XIRP2: variants seen among roughly 807,000 people sequenced by gnomAD.
The protein encoded by XIRP2 is xin actin-binding repeat-containing protein 2.
XIRP2 carries 236 observed loss-of-function variants against 277.0 expected under a neutral mutation model. The observed-to-expected ratio is 0.85, with a 90% confidence interval of 0.77 to 0.95. The LOEUF (loss-of-function observed/expected upper bound fraction) is 0.95. Ranked by LOEUF, XIRP2 falls within the 40% of genes least tolerant of loss-of-function variation. XIRP2 has a pLI of 0.00. For missense variants in XIRP2, 4,640 were observed against 4,157.5 expected, an observed-to-expected ratio of 1.12 and a Z score of -3.19; for synonymous variants, 1,490 against 1,416.5, an observed-to-expected ratio of 1.05 and a Z score of -1.17.
At chr2:167,026,642 C>T (rs193275145) in intron 2 of XIRP2, among the ~76,000 whole-genome samples, 1 of 152,084 alleles carries the variant, frequency 6.6e-6, no homozygotes, top group Non-Finnish European at 1.5e-5. Flanking sequence ...TCTTTTAGGG[C>T]AGGCCTGGTG....
At chr2:167,223,820 A>G (rs1320544281) in intron 5 of XIRP2, among the ~76,000 whole-genome samples, 1 of 152,176 alleles carries the variant, frequency 6.6e-6, no homozygotes, top group Non-Finnish European at 1.5e-5. Flanking sequence ...AGTGATTCTT[A>G]TAACTTAAAG....
Position 167,249,719 on chromosome 2 carries a change from A to C in XIRP2, c.8327A>C (p.Lys2776Thr). 1.2e-6 allele frequency: 2 copies of C among 1,613,470 alleles called. No individual in the cohort carries two copies. The highest frequency in any genetic ancestry group is 1.7e-6 in the Non-Finnish European group (2 of 1,179,748). ...LAERHYQLPK[K>T]EKRVTVQLPT... is the part of the protein sequence containing the mutation. ...GAAAGACATTATCAGTTACCTAAGA[A>C]GGAGAAAAGAGTGACAGTACAATTG... The change falls in exon 9 of 11, where the codon AAG becomes ACG. Residue 2776 changes from lysine (K) to threonine (T), a missense_variant. Coordinates refer to ENST00000409195, the MANE Select transcript of XIRP2 (RefSeq NM_152381.6).
At position 167,244,384 on chromosome 2, in the gene XIRP2, TATC is replaced by T. The variant is rs1427287128; in HGVS notation, c.2997_2999del (p.His999del). On this transcript the variant is annotated inframe_deletion, in exon 9 of 11. Coordinates refer to ENST00000409195, the MANE Select transcript of XIRP2 (RefSeq NM_152381.6). ...TGCCATTCAAGATCCCCTTGGAAAA[TATC>T]ATCAAGTAAAGACAGTCCAGCAAGA... 3 of 1,613,224 alleles carry T rather than the reference TATC, an allele frequency of 1.9e-6. No individual in the cohort carries two copies. The highest frequency in any genetic ancestry group is 2.2e-5 in the East Asian group (1 of 44,838).
At chr2:167,195,824 T>C (rs1395950993) in intron 3 of XIRP2, among the ~76,000 whole-genome samples, 1 of 152,052 alleles carries the variant, frequency 6.6e-6, no homozygotes, top group African/African-American at 2.4e-5. Context: ...CAGAAACAAT[T>C]CAGATGTGTT....
At chr2:167,003,308 A>C (rs949896765) in intron 2 of XIRP2, among the ~76,000 whole-genome samples, 1 of 151,914 alleles carries the variant, frequency 6.6e-6, no homozygotes, top group African/African-American at 2.4e-5. Context: ...ATAAAAACCT[A>C]ATTAGAATAG....
chr2:167,201,244 AAGAAAGAAAGAAAG>A (rs1233735341), intron 3 of XIRP2, among the ~76,000 whole-genome samples: 1 of 90,796 alleles, frequency 1.1e-5, no homozygotes, highest in East Asian at 3.9e-4. Context: ...GAAAGAAAGA[AAGAAAGAAAGAAAG>A]AAAGAGAGAG....
intron 2 of XIRP2, among the ~76,000 whole-genome samples, chr2:167,008,269 C>T (rs1687560910): frequency 6.6e-6 from 1 of 151,522 alleles, no homozygotes; most frequent in Non-Finnish European, 1.5e-5. Flanking sequence ...TGTCATTCTT[C>T]TCTCTGTCTT....
intron 2 of XIRP2, among the ~76,000 whole-genome samples, chr2:167,084,336 G>A (rs1367221935): frequency 2.9e-4 from 44 of 152,096 alleles, no homozygotes; most frequent in African/African-American, 9.2e-4. Flanking sequence ...TGCTGGATTC[G>A]TTTTGCCAGT....
chr2:167,072,948 G>C (rs992475567), intron 2 of XIRP2, among the ~76,000 whole-genome samples: 12 of 152,002 alleles, frequency 7.9e-5, no homozygotes, highest in Admixed American at 4.6e-4. Flanking sequence ...GCATATTCCA[G>C]TTTATCCTAC....
At chr2:166,982,861 AT>A (rs1489671378) in intron 2 of XIRP2, among the ~76,000 whole-genome samples, 1 of 152,092 alleles carries the variant, frequency 6.6e-6, no homozygotes, top group Non-Finnish European at 1.5e-5. Context: ...AACATGGTAG[AT>A]TTTTCTATTA....
chr2:167,252,000 T>C lies in XIRP2; in HGVS notation c.10555+53T>C, dbSNP rs1478728658. ...AGATTAACCATTTAAAGGCATGTGT[T>C]CCATAGCCAAAATGATGTACAGTTA... On this transcript the variant is annotated intron_variant, in intron 9 of 10. Transcript: ENST00000409195. 5 of 1,509,894 alleles carry C rather than the reference T, an allele frequency of 3.3e-6. No individual in the cohort carries two copies. The East Asian group carries it at 1.1e-4, about 34-fold the overall frequency. The allele number at this position is 1,509,894 out of a possible 1,614,324, so 93.5% of individuals were successfully genotyped here.
intron 3 of XIRP2, among the ~76,000 whole-genome samples, chr2:167,202,173 G>A (rs1310280773): frequency 1.3e-5 from 2 of 152,214 alleles, no homozygotes; most frequent in East Asian, 3.9e-4. Context: ...CATTTGTAAT[G>A]ATTCTAATTT....
chr2:167,045,349 A>G (rs989754706), intron 2 of XIRP2, among the ~76,000 whole-genome samples: 1 of 152,112 alleles, frequency 6.6e-6, no homozygotes, highest in Non-Finnish European at 1.5e-5. Context: ...CTAAGCAAAC[A>G]TTTTATGACA....
intron 2 of XIRP2, among the ~76,000 whole-genome samples, chr2:167,018,373 A>G (rs974750189): frequency 2.6e-5 from 4 of 152,146 alleles, no homozygotes; most frequent in Middle Eastern, 3.4e-3. Context: ...CTTGAGAAGC[A>G]GACATCAAAA....
chr2:167,050,679 A>T (rs1688892091), intron 2 of XIRP2, among the ~76,000 whole-genome samples: 1 of 152,044 alleles, frequency 6.6e-6, no homozygotes, highest in African/African-American at 2.4e-5. Context: ...CAAAGATAGG[A>T]TCAGGTAAAA....
In XIRP2 at chr2:167,219,776, G is replaced by A. The variant is rs577509914; in HGVS notation, c.858+1476G>A. Among the ~76,000 whole-genome samples the A allele has an allele frequency of 3.3e-5, 5 of 152,316 alleles. No individual in the cohort carries two copies. The South Asian group carries it at 1.0e-3, about 32-fold the overall frequency. On this transcript the variant is annotated intron_variant, in intron 5 of 10. Coordinates refer to ENST00000409195, the MANE Select transcript of XIRP2 (RefSeq NM_152381.6). The stretch of plus-strand genomic sequence containing the variant: ...ACCCCCTCAGTCTTCAGTTTCTGAT[G>A]AGTAGGATGGAAAAACTGTTGAGTG...
chr2:167,001,542 A>G (rs1337439743), intron 2 of XIRP2, among the ~76,000 whole-genome samples: 2 of 152,170 alleles, frequency 1.3e-5, no homozygotes, highest in Admixed American at 1.3e-4. Context: ...AAAATATGGT[A>G]CTAGAAATAA....
rs115066245 is a variant in XIRP2, at chr2:167,092,418, C to G, written c.409-43491C>G. ...CTCTGGCACACCCTGATCTTCATTA[C>G]ACAGAGCTACACAATAGCAACACTG... On this transcript the variant is annotated intron_variant, in intron 2 of 10. Coordinates refer to ENST00000409195, the MANE Select transcript of XIRP2 (RefSeq NM_152381.6). Among the ~76,000 whole-genome samples, 1,063 of 152,182 alleles carry G rather than the reference C, an allele frequency of 7.0e-3. 15 individuals are homozygous for G. The highest frequency in any genetic ancestry group is 0.024 in the African/African-American group (1,004 of 41,502).
chr2:166,947,261 T>C (rs1186860363), intron 2 of XIRP2, among the ~76,000 whole-genome samples: 2 of 152,208 alleles, frequency 1.3e-5, no homozygotes, highest in Admixed American at 6.5e-5. Context: ...AAACCTGGGA[T>C]ACATGGGTAG....
Sources: gnomAD v4.1 joint callset for allele counts (sites outside exome capture counted in the v4.1 genomes callset) on GRCh38, gnomAD v4.1.1 for gene constraint, MANE v1.5 for transcripts, NCBI Gene and HGNC (gene_info 2026-07-23, HGNC 2026-07-21) for gene names.